Variants in KIF26B observed in about 807,000 individuals in gnomAD.
The protein encoded by KIF26B is kinesin-like protein KIF26B.
KIF26B carries 63 observed loss-of-function variants against 151.2 expected under a neutral mutation model. That is an observed-to-expected ratio of 0.42 (90% CI 0.34 to 0.51). The LOEUF (loss-of-function observed/expected upper bound fraction) is 0.51, where lower values mean the gene tolerates loss of function less well. Among genes scored for constraint, KIF26B ranks in the 20% least tolerant of loss-of-function variants. The probability of loss-of-function intolerance (pLI) is 0.07; values close to 1 mark genes in which losing one functional copy is unlikely to be tolerated. For missense variants in KIF26B, 2,813 were observed against 2,913.6 expected, an observed-to-expected ratio of 0.97 and a Z score of 0.79; for synonymous variants, 1,357 against 1,262.1, an observed-to-expected ratio of 1.08 and a Z score of -1.59.
chr1:245,338,657 A>G (rs1216562772), intron 2 of KIF26B, among the ~76,000 whole-genome samples: 1 of 152,210 alleles, frequency 6.6e-6, no homozygotes, highest in Non-Finnish European at 1.5e-5. Context: ...GAGAGTTTCT[A>G]AGAAATTAGC....
At chr1:245,490,202 G>T (rs1660374582) in intron 4 of KIF26B, among the ~76,000 whole-genome samples, 1 of 151,976 alleles carries the variant, frequency 6.6e-6, no homozygotes, top group Non-Finnish European at 1.5e-5. Flanking sequence ...ATCCAGTACA[G>T]AGGAATGTTG....
At chr1:245,335,722 A>AGTCCCACGAGGGGAAAGGAGG (rs1558393214) in intron 2 of KIF26B, among the ~76,000 whole-genome samples, 1 of 140,428 alleles carries the variant, frequency 7.1e-6, no homozygotes, top group Non-Finnish European at 1.5e-5. Context: ...GGGAAAGAAG[A>AGTCCCACGAGGGGAAAGGAGG]GTCCCACGAG....
At chr1:245,380,724 C>T (rs1673387784) in intron 3 of KIF26B, among the ~76,000 whole-genome samples, 2 of 152,102 alleles carry the variant, frequency 1.3e-5, no homozygotes, top group South Asian at 4.2e-4. Flanking sequence ...GGGACCGATT[C>T]CTCAGATAGG....
At chr1:245,248,857 T>A (rs1465864129) in intron 2 of KIF26B, among the ~76,000 whole-genome samples, 1 of 152,132 alleles carries the variant, frequency 6.6e-6, no homozygotes, top group Admixed American at 6.5e-5. Flanking sequence ...TACCTCCGAG[T>A]GGAAACCAGT....
At chr1:245,674,029 T>A (rs568007540) in intron 10 of KIF26B, 2 of 152,340 alleles carry the variant, frequency 1.3e-5, no homozygotes, top group Admixed American at 1.3e-4. Flanking sequence ...GCTGCAGAGA[T>A]CTCTGGCACT....
Position 245,702,382 on chromosome 1 carries a change from C to G in KIF26B, c.6179-76C>G, listed in dbSNP as rs1335152192. On this transcript the variant is annotated intron_variant, in intron 14 of 14. Transcript: ENST00000407071. The surrounding 1 kb of genome is among the most constrained non-coding windows in gnomAD (Gnocchi z 4.1). ...CAAGGGGTAGATGTGGGGGTGGCAG[C>G]TCCAGGCTGAGCCGTCGGGAGTTGC... 12 of 1,550,330 alleles carry G rather than the reference C, an allele frequency of 7.7e-6. No individual in the cohort carries two copies. The highest frequency in any genetic ancestry group is 9.7e-6 in the Non-Finnish European group (11 of 1,131,256).
chr1:245,265,696 T>A (rs1670732847), intron 2 of KIF26B, among the ~76,000 whole-genome samples: 1 of 151,498 alleles, frequency 6.6e-6, no homozygotes, highest in African/African-American at 2.4e-5. Flanking sequence ...CAAATCGTCC[T>A]CCCAAGTGAT....
chr1:245,522,018 C>T (rs1056987347), intron 4 of KIF26B, among the ~76,000 whole-genome samples: 10 of 151,698 alleles, frequency 6.6e-5, no homozygotes, highest in South Asian at 2.1e-4. Flanking sequence ...TACAGGCACC[C>T]GCCACCATGC....
chr1:245,173,382 G>A (rs1483010109), intron 2 of KIF26B, among the ~76,000 whole-genome samples: 2 of 152,158 alleles, frequency 1.3e-5, no homozygotes, highest in Non-Finnish European at 2.9e-5. Context: ...GCACACACAC[G>A]GAAAGTAGTA....
chr1:245,302,669 T>C (rs1393655412), intron 2 of KIF26B, among the ~76,000 whole-genome samples: 1 of 152,128 alleles, frequency 6.6e-6, no homozygotes, highest in African/African-American at 2.4e-5. Flanking sequence ...TTATTTCTTC[T>C]AAAACATAAG....
At chr1:245,472,107 A>G (rs943521501) in intron 4 of KIF26B, among the ~76,000 whole-genome samples, 1 of 152,138 alleles carries the variant, frequency 6.6e-6, no homozygotes, top group Non-Finnish European at 1.5e-5. Flanking sequence ...TTACATTCTG[A>G]TAGAGGGATA....
chr1:245,246,408 C>T (rs1213165625), intron 2 of KIF26B, among the ~76,000 whole-genome samples: 1 of 152,240 alleles, frequency 6.6e-6, no homozygotes, highest in Non-Finnish European at 1.5e-5. Flanking sequence ...GGTACACATA[C>T]AGGTGGCCAC....
chr1:245,207,999 T>C (rs1298870318), intron 2 of KIF26B, among the ~76,000 whole-genome samples: 1 of 152,222 alleles, frequency 6.6e-6, no homozygotes, highest in Non-Finnish European at 1.5e-5. Context: ...AGGTGGGCTG[T>C]GTGCCCGAGC....
At chr1:245,238,436 G>A (rs1670154156) in intron 2 of KIF26B, among the ~76,000 whole-genome samples, 1 of 152,080 alleles carries the variant, frequency 6.6e-6, no homozygotes, top group Admixed American at 6.5e-5. Flanking sequence ...TTTGATGAAG[G>A]ACCAGTTTTC....
chr1:245,687,406 A>C lies in KIF26B; in HGVS notation c.4423A>C (p.Arg1475=), dbSNP rs1473947384. 2.5e-6 allele frequency: 4 copies of C among 1,588,974 alleles called. No homozygotes were observed. The South Asian group carries it at 4.6e-5, about 18-fold the overall frequency. ...CACGGGCCCCTCGAATGCTGAGACC[A>C]GAGCAGAGCAGGAGCAGGACGGAAA... ...TATGPSNAET[R]AEQEQDGKPS... Residue 1475 remains arginine, a synonymous_variant, in exon 12 of 15, where the codon AGA becomes CGA. Coordinates refer to ENST00000407071, the MANE Select transcript of KIF26B (RefSeq NM_018012.4). The surrounding 1 kb of genome is among the most constrained non-coding windows in gnomAD (Gnocchi z 4.9).
At chr1:245,455,028 C>A (rs925685149) in intron 4 of KIF26B, among the ~76,000 whole-genome samples, 2 of 152,158 alleles carry the variant, frequency 1.3e-5, no homozygotes, top group African/African-American at 2.4e-5. Flanking sequence ...AAATTGAATA[C>A]TTGTTCATCA....
chr1:245,613,901 C>T (rs2103156247), intron 9 of KIF26B, among the ~76,000 whole-genome samples: 1 of 152,274 alleles, frequency 6.6e-6, no homozygotes, highest in Non-Finnish European at 1.5e-5. Flanking sequence ...ATGTAGCCAC[C>T]ACCATTATCA....
rs562184219 is a variant in KIF26B, at chr1:245,649,386, C to T, written c.2258+3106C>T. On this transcript the variant is annotated intron_variant, in intron 10 of 14. Coordinates refer to ENST00000407071, the MANE Select transcript of KIF26B (RefSeq NM_018012.4). ...CTGCAGACCCACGCCCACTTCTCAT[C>T]AAGCTCCCGAAATGTCGGAGCTGCC... 5.3e-5 allele frequency among the ~76,000 whole-genome samples: 8 copies of T among 152,326 alleles called. No homozygotes were observed. The East Asian group carries it at 1.5e-3, about 29-fold the overall frequency.
chr1:245,374,357 C>T (rs1037327119), intron 3 of KIF26B, among the ~76,000 whole-genome samples: 6 of 151,164 alleles, frequency 4.0e-5, no homozygotes, highest in African/African-American at 7.3e-5. Flanking sequence ...ATTGTGGCTT[C>T]GTGGAAAGCA....
Sources: gnomAD v4.1 joint callset for allele counts (sites outside exome capture counted in the v4.1 genomes callset) on GRCh38, gnomAD v4.1.1 for gene constraint, Gnocchi (gnomAD v3.1) non-coding constraint, MANE v1.5 for transcripts, NCBI Gene and HGNC (gene_info 2026-07-23, HGNC 2026-07-21) for gene names.